The following UNC5A variants were observed in gnomAD, a reference collection of about 807,000 sequenced individuals.
UNC5A encodes unc-5 netrin receptor A.
UNC5A carries 20 observed loss-of-function variants against 87.4 expected under a neutral mutation model. The observed-to-expected ratio is 0.23, with a 90% CI of 0.16 to 0.33. The LOEUF is 0.33. Among genes scored for constraint, UNC5A ranks in the 10% least tolerant of loss-of-function variants. The probability of loss-of-function intolerance (pLI) is 1.00; values close to 1 mark genes in which losing one functional copy is unlikely to be tolerated. For missense variants in UNC5A, 844 were observed against 1,133.4 expected (o/e 0.74, Z 3.67); for synonymous variants, 438 against 482.3 (o/e 0.91, Z 1.20).
intron 1 of UNC5A, among the ~76,000 whole-genome samples, chr5:176,837,587 A>G (rs1202100674): frequency 6.6e-6 from 1 of 152,204 alleles, no homozygotes; most frequent in African/African-American, 2.4e-5. Context: ...GTGCCAGGTT[A>G]TCTGATGCGT....
chr5:176,877,473 C>T (rs1486997366), intron 9 of UNC5A, 62 bp from the exon 10 acceptor site: 1 of 1,532,194 alleles, frequency 6.5e-7, no homozygotes, highest in Non-Finnish European at 8.8e-7. Context: ...TTGGCCTAGC[C>T]CTCAGGACCC....
chr5:176,872,670 C>T (rs1758152144), intron 6 of UNC5A, among the ~76,000 whole-genome samples: 1 of 129,452 alleles, frequency 7.7e-6, no homozygotes, highest in African/African-American at 3.0e-5. Context: ...CACAGCTTCA[C>T]ATCTGCCCAC....
intron 1 of UNC5A, among the ~76,000 whole-genome samples, chr5:176,817,577 T>TCCCCACCCCCCACCC (rs1265310795): frequency 0.049 from 2,882 of 58,904 alleles, 47 homozygotes; most frequent in African/African-American, 0.13. Context: ...ACCCCGCCCC[T>TCCCCACCCCCCACCC]CCCCACCCCC....
intron 6 of UNC5A, 123 bp downstream of exon 6, chr5:176,870,657 AC>A: frequency 8.9e-7 from 1 of 1,125,058 alleles, no homozygotes; most frequent in Non-Finnish European, 1.2e-6. Flanking sequence ...CAGGCTCAGG[AC>A]CCACTGAGAT....
chr5:176,856,349 A>C (rs1322874116), intron 1 of UNC5A, among the ~76,000 whole-genome samples: 1 of 152,056 alleles, frequency 6.6e-6, no homozygotes, highest in African/African-American at 2.4e-5. Flanking sequence ...CCTGCCCGCC[A>C]CTCCGCCTGT....
intron 1 of UNC5A, among the ~76,000 whole-genome samples, chr5:176,839,729 G>C (rs1288882366): frequency 6.6e-6 from 1 of 152,126 alleles, no homozygotes; most frequent in Non-Finnish European, 1.5e-5. Flanking sequence ...GGGGGTCCTG[G>C]GACAGCAGAT....
At chr5:176,819,955 G>A (rs531785666) in intron 1 of UNC5A, among the ~76,000 whole-genome samples, 109 of 152,360 alleles carry the variant, frequency 7.2e-4, no homozygotes, top group African/African-American at 2.5e-3. Context: ...TATTTTATTG[G>A]CAGCATTAGA....
At chr5:176,834,992 G>C (rs1159860282) in intron 1 of UNC5A, among the ~76,000 whole-genome samples, 1 of 152,240 alleles carries the variant, frequency 6.6e-6, no homozygotes, top group African/African-American at 2.4e-5. Flanking sequence ...CCCATCCTGT[G>C]CCAGGTGGCT....
At chr5:176,872,090 T>C (rs1366318983) in intron 6 of UNC5A, among the ~76,000 whole-genome samples, 1 of 85,146 alleles carries the variant, frequency 1.2e-5, no homozygotes, top group Non-Finnish European at 2.4e-5. Flanking sequence ...ACACCACAGC[T>C]TCCCATCTGC....
At chr5:176,833,776 T>C (rs370877574) in intron 1 of UNC5A, among the ~76,000 whole-genome samples, 83 of 151,472 alleles carry the variant, frequency 5.5e-4, no homozygotes, top group African/African-American at 2.0e-3. Flanking sequence ...TGGTGCGGTC[T>C]CCGCTCACTG....
At position 176,879,702 on chromosome 5, in the gene UNC5A, G is replaced by A. The variant is rs754498683; in HGVS notation, c.2364-19G>A. 4 of 1,609,964 alleles carry A rather than the reference G, an allele frequency of 2.5e-6. No individual in the cohort carries two copies. In the African/African-American group the frequency reaches 4.0e-5, roughly 16 times the overall value. ...CTGGGGCCAGGCCAGGCTGCTGACG[G>A]CCCCCCTCCCCTCCACAGCCATCTC... On this transcript the variant is annotated intron_variant, in intron 14 of 14. Transcript: ENST00000329542.
chr5:176,849,092 T>C (rs1373153382), intron 1 of UNC5A, among the ~76,000 whole-genome samples: 1 of 151,988 alleles, frequency 6.6e-6, no homozygotes, highest in African/African-American at 2.4e-5. Context: ...GGCTGGAGTG[T>C]GGCGGCAGCG....
At chr5:176,820,519 G>A (rs1278864765) in intron 1 of UNC5A, among the ~76,000 whole-genome samples, 1 of 152,240 alleles carries the variant, frequency 6.6e-6, no homozygotes, top group Non-Finnish European at 1.5e-5. Flanking sequence ...TCTAAGATAT[G>A]TTATCCGGTG....
At chr5:176,850,055 G>A (rs958080189) in intron 1 of UNC5A, among the ~76,000 whole-genome samples, 19 of 152,232 alleles carry the variant, frequency 1.2e-4, no homozygotes, top group African/African-American at 4.3e-4. Flanking sequence ...AGCCAGCCCT[G>A]CGTCAGCAGG....
chr5:176,868,159 G>A lies in UNC5A; in HGVS notation c.322G>A (p.Val108Ile), dbSNP rs1174131878. The A allele has an allele frequency of 6.2e-7, 1 of 1,613,568 alleles. No homozygotes were observed. Among genetic ancestry groups the A allele is most frequent in the Non-Finnish European group, 8.5e-7 (1 of 1,179,916 alleles). The change falls in exon 3 of 15, where the codon GTC becomes ATC. Residue 108 changes from valine (V) to isoleucine (I), a missense_variant. Val to Ile is a conservative substitution (Grantham distance 29, BLOSUM62 3). Around this residue, in one of 3 missense-constraint regions of UNC5A, gnomAD observed 314 missense variants for 466.5 expected, o/e 0.67. Coordinates refer to ENST00000329542, the MANE Select transcript of UNC5A (RefSeq NM_133369.3). ...GLPTMEVRIN[V>I]SRQQVEKVFG... is the part of the protein sequence containing the mutation. ...GCCCACCATGGAGGTCCGCATTAAT[G>A]TCTCAAGGCAGCAGGTCGAGAAGGT...
intron 1 of UNC5A, among the ~76,000 whole-genome samples, chr5:176,835,455 A>T (rs924029377): frequency 6.6e-6 from 1 of 152,222 alleles, no homozygotes; most frequent in Non-Finnish European, 1.5e-5. Context: ...TCCAAATTTC[A>T]GGAAATTCCC....
chr5:176,854,406 C>T (rs761274998), intron 1 of UNC5A, among the ~76,000 whole-genome samples: 9 of 152,170 alleles, frequency 5.9e-5, no homozygotes, highest in African/African-American at 1.4e-4. Context: ...TAACTCATGC[C>T]GCCATCTCAG....
At chr5:176,837,121 C>T (rs554231526) in intron 1 of UNC5A, among the ~76,000 whole-genome samples, 1 of 152,276 alleles carries the variant, frequency 6.6e-6, no homozygotes, top group East Asian at 1.9e-4. Context: ...TCCCCAGTCC[C>T]TCACCCCCAT....
rs1041249175 is a variant in UNC5A at position 176,824,862 on chromosome 5, C to T, written c.70+14042C>T. The stretch of plus-strand genomic sequence containing the variant: ...ACTCTCACCACTCCGTATCCCCCAC[C>T]CCATGCACCCCCAGTGCCTGCGCAC... On this transcript the variant is annotated intron_variant, in intron 1 of 14. Coordinates refer to ENST00000329542, the MANE Select transcript of UNC5A (RefSeq NM_133369.3). The surrounding 1 kb of genome is among the most constrained non-coding windows in gnomAD (Gnocchi z 4.2). Among the ~76,000 whole-genome samples the T allele has an allele frequency of 1.3e-5, 2 of 152,078 alleles. No homozygotes were observed. Among genetic ancestry groups the T allele is most frequent in the Non-Finnish European group, 2.9e-5 (2 of 67,998 alleles).
Sources: allele counts gnomAD v4.1 joint callset (sites outside exome capture counted in the v4.1 genomes callset), GRCh38; gene constraint gnomAD v4.1.1; regional missense constraint gnomAD v4.1.1; non-coding constraint Gnocchi (gnomAD v3.1); transcripts MANE v1.5; gene names NCBI Gene and HGNC (gene_info 2026-07-23, HGNC 2026-07-21).